Variants in NKAIN3 observed in about 807,000 individuals in gnomAD.
The protein encoded by NKAIN3 is sodium/potassium transporting ATPase interacting 3, also known as sodium/potassium-transporting ATPase subunit beta-1-interacting protein 3.
A neutral mutation model predicts 30.2 loss-of-function variants in NKAIN3; 25 were observed. The ratio of observed to expected loss-of-function variants is 0.83; its 90% CI spans 0.60 to 1.16. NKAIN3 has a LOEUF of 1.16. NKAIN3 is among the 50% of genes most tolerant of loss of function. The pLI is 0.00. For missense variants in NKAIN3, 225 were observed against 254.1 expected, an observed-to-expected ratio of 0.89 and a Z score of 0.78; for synonymous variants, 91 against 89.6, an observed-to-expected ratio of 1.02 and a Z score of -0.09.
At chr8:62,876,288 G>C (rs1646070943) in intron 4 of NKAIN3, among the ~76,000 whole-genome samples, 1 of 152,162 alleles carries the variant, frequency 6.6e-6, no homozygotes, top group Admixed American at 6.5e-5. Flanking sequence ...AGTCAGAATG[G>C]TGATTATCAA....
intron 1 of NKAIN3, among the ~76,000 whole-genome samples, chr8:62,293,048 G>A (rs111285407): frequency 0.017 from 2,533 of 152,014 alleles, 63 homozygotes; most frequent in African/African-American, 0.055. Flanking sequence ...TGCATGCATC[G>A]TGTAGTTCTG....
At chr8:62,764,651 T>C (rs1226966751) in intron 4 of NKAIN3, among the ~76,000 whole-genome samples, 3 of 152,102 alleles carry the variant, frequency 2.0e-5, no homozygotes, top group African/African-American at 7.2e-5. Flanking sequence ...TTTTTGTAGA[T>C]ACAAGGTCTC....
At chr8:62,428,723 G>C (rs1804897087) in intron 1 of NKAIN3, among the ~76,000 whole-genome samples, 1 of 151,646 alleles carries the variant, frequency 6.6e-6, no homozygotes, top group South Asian at 2.1e-4. Context: ...TGAGTTGTTT[G>C]GTTATTAATA....
intron 1 of NKAIN3, among the ~76,000 whole-genome samples, chr8:62,291,914 G>A (rs571026513): frequency 1.3e-5 from 2 of 152,226 alleles, no homozygotes; most frequent in East Asian, 3.9e-4. Context: ...ATGAATCTGG[G>A]TGCTCCTGTA....
At chr8:62,535,444 G>A (rs994981644) in intron 1 of NKAIN3, among the ~76,000 whole-genome samples, 7 of 152,018 alleles carry the variant, frequency 4.6e-5, no homozygotes, top group African/African-American at 1.7e-4. Context: ...CCCTAAGACT[G>A]CCCTGCCTTC....
intron 1 of NKAIN3, among the ~76,000 whole-genome samples, chr8:62,420,080 A>T (rs1804585808): frequency 6.6e-6 from 1 of 152,182 alleles, no homozygotes; most frequent in Non-Finnish European, 1.5e-5. Context: ...ATGTGTCAGC[A>T]GTCAACTTTT....
At chr8:62,682,898 A>G (rs563919460) in intron 3 of NKAIN3, among the ~76,000 whole-genome samples, 2 of 151,832 alleles carry the variant, frequency 1.3e-5, no homozygotes, top group Admixed American at 1.3e-4. Flanking sequence ...TTCTCTACCC[A>G]CCCTGGTAGC....
intron 1 of NKAIN3, among the ~76,000 whole-genome samples, chr8:62,418,286 A>G (rs1304220693): frequency 6.6e-6 from 1 of 152,218 alleles, no homozygotes; most frequent in Non-Finnish European, 1.5e-5. Flanking sequence ...TAAGATATGT[A>G]AAATTAGCTC....
intron 4 of NKAIN3, chr8:62,857,129 C>T (rs1820085794): frequency 5.4e-6 from 2 of 372,650 alleles, no homozygotes; most frequent in African/African-American, 4.3e-5. Context: ...CCAACTTGGA[C>T]CAGAAATTCT....
chr8:62,800,427 T>C (rs960745829), intron 4 of NKAIN3, among the ~76,000 whole-genome samples: 6 of 152,176 alleles, frequency 3.9e-5, no homozygotes, highest in Non-Finnish European at 8.8e-5. Flanking sequence ...ACTTATCTGC[T>C]GTGATGGAAT....
rs190039660 is a variant in NKAIN3, at chr8:62,921,473, G to A, written c.532+2960G>A. Among the ~76,000 whole-genome samples the A allele has an allele frequency of 7.2e-5, 11 of 152,196 alleles. No individual in the cohort carries two copies. The East Asian group carries it at 7.7e-4, about 11-fold the overall frequency. On this transcript the variant is annotated intron_variant, in intron 5 of 6. Transcript: ENST00000623646. ...ACTAACATTTCAGACAGATATTTCC[G>A]AAGGGTAATAAATACTTGAGGAAAC...
chr8:62,741,400 AAGGAAGGAAGGAAGGAAGGAAGGCAGGC>A (rs1425694542), intron 3 of NKAIN3, among the ~76,000 whole-genome samples: 16 of 147,372 alleles, frequency 1.1e-4, no homozygotes, highest in Admixed American at 5.3e-4. Context: ...GGAAGGAAGG[AAGGAAGGAAGGAAGGAAGGAAGGCAGGC>A]AAGCAAGCAA....
At chr8:62,462,750 T>C (rs951482984) in intron 1 of NKAIN3, among the ~76,000 whole-genome samples, 8 of 152,184 alleles carry the variant, frequency 5.3e-5, no homozygotes, top group Non-Finnish European at 8.8e-5. Flanking sequence ...GAAGAGACTT[T>C]TAGATGAAAA....
At chr8:62,441,778 A>T (rs1805332198) in intron 1 of NKAIN3, among the ~76,000 whole-genome samples, 1 of 152,018 alleles carries the variant, frequency 6.6e-6, no homozygotes, top group Non-Finnish European at 1.5e-5. Context: ...AAAAAAATCA[A>T]ATCTAATTAA....
chr8:62,453,689 G>A (rs1202724780), intron 1 of NKAIN3, among the ~76,000 whole-genome samples: 1 of 152,086 alleles, frequency 6.6e-6, no homozygotes, highest in Non-Finnish European at 1.5e-5. Context: ...AAATGACAAA[G>A]GGGGCATTAC....
At chr8:62,540,626 A>C (rs1440687612) in intron 1 of NKAIN3, among the ~76,000 whole-genome samples, 1 of 152,200 alleles carries the variant, frequency 6.6e-6, no homozygotes, top group East Asian at 1.9e-4. Context: ...CCTCTGGCTT[A>C]AAATAGAGAG....
chr8:62,436,236 A>G (rs1805169782), intron 1 of NKAIN3, among the ~76,000 whole-genome samples: 1 of 152,186 alleles, frequency 6.6e-6, no homozygotes, highest in African/African-American at 2.4e-5. Context: ...AGTGCCAACA[A>G]TAGTTCTTTA....
chr8:62,659,452 C>T (rs540780405), intron 3 of NKAIN3, among the ~76,000 whole-genome samples: 142 of 152,326 alleles, frequency 9.3e-4, no homozygotes, highest in African/African-American at 3.3e-3. Context: ...GCCTTACATA[C>T]ATTAAACTTT....
intron 1 of NKAIN3, among the ~76,000 whole-genome samples, chr8:62,396,156 A>T (rs1015591903): frequency 2.0e-5 from 3 of 152,114 alleles, no homozygotes; most frequent in African/African-American, 4.8e-5. Flanking sequence ...TGTCTCTCTC[A>T]CACACACACA....
Sources: allele counts gnomAD v4.1 joint callset (sites outside exome capture counted in the v4.1 genomes callset), GRCh38; gene constraint gnomAD v4.1.1; transcripts MANE v1.5; gene names NCBI Gene and HGNC (gene_info 2026-07-23, HGNC 2026-07-21).